TSHZ2: variants seen among roughly 807,000 people sequenced by gnomAD.
The protein encoded by TSHZ2 is teashirt homolog 2.
A neutral mutation model predicts 74.4 loss-of-function variants in TSHZ2; 21 were observed. The ratio of observed to expected loss-of-function variants is 0.28; its 90% confidence interval spans 0.20 to 0.41. The LOEUF (loss-of-function observed/expected upper bound fraction) is 0.41, where lower values mean the gene tolerates loss of function less well. TSHZ2 is among the 10% of genes least tolerant of loss of function. The pLI, the probability that TSHZ2 is intolerant of heterozygous loss-of-function variation, is 1.00. For missense variants in TSHZ2, 1,244 were observed against 1,293.5 expected, an observed-to-expected ratio of 0.96 and a Z score of 0.59; for synonymous variants, 540 against 515.3, an observed-to-expected ratio of 1.05 and a Z score of -0.65.
At chr20:53,259,436 A>G (rs1427851014) in intron 2 of TSHZ2, among the ~76,000 whole-genome samples, 1 of 152,258 alleles carries the variant, frequency 6.6e-6, no homozygotes, top group Non-Finnish European at 1.5e-5. Flanking sequence ...TAAGTAATCT[A>G]AAACAATTTC....
chr20:53,290,565 A>G (rs1167037365), intron 2 of TSHZ2, among the ~76,000 whole-genome samples: 1 of 152,124 alleles, frequency 6.6e-6, no homozygotes, highest in Non-Finnish European at 1.5e-5. Context: ...TGTCCCCCAT[A>G]TTTTTAAACA....
At chr20:53,360,127 G>A (rs1980995997) in intron 2 of TSHZ2, among the ~76,000 whole-genome samples, 1 of 152,190 alleles carries the variant, frequency 6.6e-6, no homozygotes, top group South Asian at 2.1e-4. Context: ...TGTGCAATAG[G>A]AAAGCATCTT....
chr20:53,270,769 T>C (rs1381357893), intron 2 of TSHZ2, among the ~76,000 whole-genome samples: 2 of 152,098 alleles, frequency 1.3e-5, no homozygotes, highest in Non-Finnish European at 2.9e-5. Context: ...ATGTGCATGG[T>C]TTTATTTGGT....
At chr20:53,315,341 T>C (rs1164487690) in intron 2 of TSHZ2, among the ~76,000 whole-genome samples, 1 of 152,232 alleles carries the variant, frequency 6.6e-6, no homozygotes, top group Non-Finnish European at 1.5e-5. Flanking sequence ...ATTGGATCCT[T>C]CTCTTGAAGT....
chr20:53,166,360 G>A (rs1988062785), intron 1 of TSHZ2, among the ~76,000 whole-genome samples: 1 of 152,190 alleles, frequency 6.6e-6, no homozygotes. Flanking sequence ...GCTTACACCT[G>A]TAATCCCAAC....
intron 2 of TSHZ2, among the ~76,000 whole-genome samples, chr20:53,370,589 C>T (rs1407625532): frequency 1.3e-5 from 2 of 151,942 alleles, no homozygotes; most frequent in Non-Finnish European, 2.9e-5. Context: ...AGCAAGACCC[C>T]ATCTCTACAA....
intron 2 of TSHZ2, among the ~76,000 whole-genome samples, chr20:53,371,887 AAG>A (rs1400040400): frequency 0.018 from 2,314 of 130,366 alleles, 103 homozygotes; most frequent in African/African-American, 0.091. Flanking sequence ...AAAAAAAAAA[AAG>A]AAAAAAAAAA....
At chr20:53,251,419 A>T (rs1364869739) in intron 1 of TSHZ2, among the ~76,000 whole-genome samples, 1 of 152,206 alleles carries the variant, frequency 6.6e-6, no homozygotes, top group Non-Finnish European at 1.5e-5. Flanking sequence ...GCAAACATAC[A>T]AGTTAATCCA....
intron 2 of TSHZ2, among the ~76,000 whole-genome samples, chr20:53,339,439 G>T (rs1054705595): frequency 1.3e-5 from 2 of 152,164 alleles, no homozygotes; most frequent in African/African-American, 4.8e-5. Context: ...ACCCTGAAAG[G>T]CCTCATCATG....
At chr20:53,174,495 A>G (rs73270670) in intron 1 of TSHZ2, among the ~76,000 whole-genome samples, 3,363 of 152,256 alleles carry the variant, frequency 0.022, 111 homozygotes, top group African/African-American at 0.076. Flanking sequence ...TCACAGATGG[A>G]CTGGGCTCAT....
At chr20:53,341,293 A>C (rs1980192449) in intron 2 of TSHZ2, among the ~76,000 whole-genome samples, 1 of 152,148 alleles carries the variant, frequency 6.6e-6, no homozygotes, top group Non-Finnish European at 1.5e-5. Flanking sequence ...GAATACAACA[A>C]CATTGATTGC....
chr20:53,362,192 GT>G (rs57935374), intron 2 of TSHZ2, among the ~76,000 whole-genome samples: 5,557 of 145,478 alleles, frequency 0.038, 394 homozygotes, highest in African/African-American at 0.13. Flanking sequence ...TTGTTTTTTT[GT>G]TTTTTTTTTG....
intron 1 of TSHZ2, among the ~76,000 whole-genome samples, chr20:53,109,320 G>A (rs1450585711): frequency 6.6e-6 from 1 of 152,184 alleles, no homozygotes; most frequent in Non-Finnish European, 1.5e-5. Flanking sequence ...GGGAGGGTGT[G>A]TCTGTCTCAA....
intron 1 of TSHZ2, among the ~76,000 whole-genome samples, chr20:53,208,271 G>A (rs1333176390): frequency 6.6e-6 from 1 of 152,106 alleles, no homozygotes; most frequent in Non-Finnish European, 1.5e-5. Context: ...CCCACTGGTG[G>A]CGCTAGTGAG....
intron 2 of TSHZ2, among the ~76,000 whole-genome samples, chr20:53,472,788 C>G (rs139029934): frequency 0.074 from 11,242 of 151,126 alleles, 567 homozygotes; most frequent in South Asian, 0.23. Context: ...GGGCGCAGGT[C>G]AGTGGGTGCG....
rs954389460 is a variant in TSHZ2, at chr20:53,340,430, T to C, written c.*8+83859T>C. ...CTAACTCCTGACCTCGTGATCCGCC[T>C]GCCTTGGCCTCCCAAAGTGCTGGGA... is the stretch of plus-strand genomic sequence containing the variant. On this transcript the variant is annotated intron_variant, in intron 2 of 2. Coordinates refer to ENST00000371497, the MANE Select transcript of TSHZ2 (RefSeq NM_173485.6). Among the ~76,000 whole-genome samples the C allele has an allele frequency of 3.9e-5, 6 of 152,240 alleles. No homozygotes were observed. In the East Asian group the frequency reaches 9.7e-4, roughly 25 times the overall value.
chr20:53,044,637 C>G (rs1392059293), intron 1 of TSHZ2, among the ~76,000 whole-genome samples: 1 of 152,196 alleles, frequency 6.6e-6, no homozygotes, highest in African/African-American at 2.4e-5. Flanking sequence ...TCACAGAGTT[C>G]TTGGACCCCA....
At chr20:53,389,755 T>C (rs79651630) in intron 2 of TSHZ2, among the ~76,000 whole-genome samples, 3,006 of 152,276 alleles carry the variant, frequency 0.02, 81 homozygotes, top group African/African-American at 0.064. Flanking sequence ...TCTAGAGACA[T>C]GTTGGTTGTC....
chr20:53,147,874 G>A (rs756651764), intron 1 of TSHZ2, among the ~76,000 whole-genome samples: 4 of 152,062 alleles, frequency 2.6e-5, no homozygotes, highest in Admixed American at 1.3e-4. Flanking sequence ...GCACCACCAC[G>A]CCTGGCTAAC....
Sources: allele counts gnomAD v4.1 joint callset (sites outside exome capture counted in the v4.1 genomes callset), GRCh38; gene constraint gnomAD v4.1.1; transcripts MANE v1.5; gene names NCBI Gene and HGNC (gene_info 2026-07-23, HGNC 2026-07-21).